Variants in ZPBP observed in about 807,000 individuals in gnomAD.
ZPBP encodes the protein zona pellucida binding protein.
Under a neutral mutation model 44.8 loss-of-function variants are expected in ZPBP, and 26 were observed. The ratio of observed to expected loss-of-function variants is 0.58; its 90% CI spans 0.43 to 0.81. The LOEUF is 0.81. Among genes scored for constraint, ZPBP ranks in the 30% least tolerant of loss-of-function variants. ZPBP has a pLI of 0.00. For synonymous variants in ZPBP, 174 were observed against 153.2 expected, an observed-to-expected ratio of 1.14 and a Z score of -1.00; for missense variants, 409 against 434.0, an observed-to-expected ratio of 0.94 and a Z score of 0.51.
intron 6 of ZPBP, among the ~76,000 whole-genome samples, chr7:49,991,142 T>C (rs1797553586): frequency 6.6e-6 from 1 of 152,070 alleles, no homozygotes; most frequent in African/African-American, 2.4e-5. Context: ...AAAAAGGAGA[T>C]GGAAACACAA....
chr7:50,048,610 A>G (rs1314531832), intron 4 of ZPBP, among the ~76,000 whole-genome samples: 1 of 152,072 alleles, frequency 6.6e-6, no homozygotes, highest in Non-Finnish European at 1.5e-5. Context: ...AAATCAAAAG[A>G]TAAGTTAGAA....
Position 49,855,485 on chromosome 7 carries a change from C to T in ZPBP, n.510-4971G>A, listed in dbSNP as rs535881761. 8.0e-4 allele frequency among the ~76,000 whole-genome samples: 121 copies of T among 152,196 alleles called. 2 individuals carry two copies. Among genetic ancestry groups the T allele is most frequent in the Non-Finnish European group, 1.5e-3 (105 of 68,018 alleles). On this transcript the variant is annotated intron_variant and non_coding_transcript_variant, in intron 2 of 2. Coordinates refer to the ZPBP transcript ENST00000465922. ...GGAGGAGGAAGGTTTGGGTATTTCC[C>T]AGGTGAAAGAGGACAGATGTTGTGG...
intron 1 of ZPBP, chr7:49,915,181 G>T (rs1793650556): frequency 6.6e-6 from 1 of 152,094 alleles, no homozygotes. Context: ...GAAGTCTTGA[G>T]AAAAGTCATT....
At chr7:49,940,554 C>T (rs1794830621) in intron 7 of ZPBP, among the ~76,000 whole-genome samples, 1 of 151,504 alleles carries the variant, frequency 6.6e-6, no homozygotes, top group Non-Finnish European at 1.5e-5. Flanking sequence ...GCCCTCATTC[C>T]CCCATGAAAA....
At chr7:49,985,052 C>T (rs1434846718) in intron 6 of ZPBP, among the ~76,000 whole-genome samples, 1 of 152,066 alleles carries the variant, frequency 6.6e-6, no homozygotes, top group African/African-American at 2.4e-5. Flanking sequence ...AAATTGTCCC[C>T]CTGGGAGTAA....
chr7:49,977,991 T>C (rs13235510), intron 7 of ZPBP, among the ~76,000 whole-genome samples: 76,917 of 151,598 alleles, frequency 0.51, 20,343 homozygotes, highest in East Asian at 0.69. Context: ...ACCACTGCCA[T>C]AGTTTAAAGA....
At chr7:50,045,569 C>A (rs888352150) in intron 4 of ZPBP, among the ~76,000 whole-genome samples, 1 of 152,012 alleles carries the variant, frequency 6.6e-6, no homozygotes, top group Admixed American at 6.6e-5. Context: ...GAATAAAATA[C>A]CTGGGAATAC....
Position 49,943,118 on chromosome 7 carries a change from A to C in ZPBP, c.962-5496T>G, listed in dbSNP as rs1168272151. 3 of 332,986 alleles carry C rather than the reference A, an allele frequency of 9.0e-6. No homozygotes were observed. The Admixed American group carries it at 1.1e-4, about 12-fold the overall frequency. 20.6% of individuals were successfully genotyped at this position (332,986 alleles called of 1,614,324 possible). On this transcript the variant is annotated intron_variant, in intron 7 of 7. Coordinates refer to ENST00000046087, the MANE Select transcript of ZPBP (RefSeq NM_007009.3). ...TGAGGACTATCCACCCACAGTCAGT[A>C]AGTCAGTAAGTTACTCCACCCTTTA...
At chr7:50,010,021 T>C (rs745680237) in intron 6 of ZPBP, among the ~76,000 whole-genome samples, 8 of 152,180 alleles carry the variant, frequency 5.3e-5, no homozygotes, top group Non-Finnish European at 7.4e-5. Context: ...ATCATGTTCA[T>C]GGACTGGAAG....
At chr7:49,893,757 T>G (rs1384939608) in intron 2 of ZPBP, among the ~76,000 whole-genome samples, 3 of 152,092 alleles carry the variant, frequency 2.0e-5, no homozygotes, top group Non-Finnish European at 4.4e-5. Context: ...AGTTGGGAAA[T>G]TTTACATTTG....
At chr7:49,988,122 T>A (rs1387304711) in intron 6 of ZPBP, among the ~76,000 whole-genome samples, 1 of 152,218 alleles carries the variant, frequency 6.6e-6, no homozygotes, top group African/African-American at 2.4e-5. Context: ...ATTAAAAGCA[T>A]AACAAAATAC....
At chr7:49,959,143 A>G (rs1261225490) in intron 7 of ZPBP, among the ~76,000 whole-genome samples, 1 of 152,010 alleles carries the variant, frequency 6.6e-6, no homozygotes, top group Non-Finnish European at 1.5e-5. Context: ...AGCTAATACC[A>G]TACTTAAAAG....
At chr7:50,044,556 T>A (rs185217982) in intron 4 of ZPBP, among the ~76,000 whole-genome samples, 172 of 152,140 alleles carry the variant, frequency 1.1e-3, no homozygotes, top group African/African-American at 3.9e-3. Flanking sequence ...GCAAATAAAC[T>A]ACAAAATCTA....
At chr7:49,843,878 C>A in the ZPBP span, among the ~76,000 whole-genome samples, 1 of 152,110 alleles carries the variant, frequency 6.6e-6, no homozygotes, top group African/African-American at 2.4e-5. Flanking sequence ...AAAAGAAGAC[C>A]AATGGTAATA....
At chr7:49,981,642 TATA>T (rs1388604253) in intron 7 of ZPBP, among the ~76,000 whole-genome samples, 3 of 91,420 alleles carry the variant, frequency 3.3e-5, no homozygotes, top group African/African-American at 4.6e-5. Context: ...TTATATATTA[TATA>T]ATATCTTGAT....
chr7:49,873,269 A>G (rs1791250136), intron 2 of ZPBP, among the ~76,000 whole-genome samples: 1 of 152,208 alleles, frequency 6.6e-6, no homozygotes, highest in Non-Finnish European at 1.5e-5. Flanking sequence ...GTCCAATATC[A>G]AGAGGCCTGC....
At chr7:50,028,905 G>A (rs1389410968) in intron 5 of ZPBP, among the ~76,000 whole-genome samples, 1 of 152,112 alleles carries the variant, frequency 6.6e-6, no homozygotes, top group Non-Finnish European at 1.5e-5. Context: ...TTGTTAAGGT[G>A]GCAATAATAT....
chr7:49,849,937 A>T (rs1214303992), downstream of ZPBP, among the ~76,000 whole-genome samples: 1 of 152,220 alleles, frequency 6.6e-6, no homozygotes, highest in Admixed American at 6.5e-5. Flanking sequence ...GTGCAATAGT[A>T]CAGCATGGTG....
At chr7:50,047,601 C>A (rs1458672010) in intron 4 of ZPBP, among the ~76,000 whole-genome samples, 2 of 136,844 alleles carry the variant, frequency 1.5e-5, no homozygotes, top group Admixed American at 7.9e-5. Flanking sequence ...ACTAGACTCA[C>A]AGAATAAAAC....
Sources: gnomAD v4.1 joint callset for allele counts (sites outside exome capture counted in the v4.1 genomes callset) on GRCh38, gnomAD v4.1.1 for gene constraint, MANE v1.5 for transcripts, NCBI Gene and HGNC (gene_info 2026-07-23, HGNC 2026-07-21) for gene names.